The following RYR1 variants were observed in gnomAD, a reference collection of about 807,000 sequenced individuals.
RYR1 encodes the protein ryanodine receptor 1.
RYR1 carries 342 observed loss-of-function variants against 583.5 expected under a neutral mutation model. That is an observed-to-expected ratio of 0.59 (90% CI 0.54 to 0.64). RYR1 has a LOEUF of 0.64. RYR1 is among the 30% of genes least tolerant of loss of function. The pLI is 0.00. For missense variants in RYR1, 6,032 were observed against 6,917.2 expected (o/e 0.87, Z 4.54); for synonymous variants, 2,791 against 2,822.5 (o/e 0.99, Z 0.35).
chr19:38,502,129 C>T (rs1026551603), intron 47 of RYR1, among the ~76,000 whole-genome samples: 2 of 152,148 alleles, frequency 1.3e-5, no homozygotes, highest in African/African-American at 4.8e-5. Context: ...TGCACTCCAG[C>T]CTGGGCGACA....
chr19:38,526,856 T>A lies in RYR1; in HGVS notation c.10627-137T>A, dbSNP rs1971488190. The stretch of plus-strand genomic sequence containing the variant: ...GACCCCGTCAACCTCTGCATCCTTT[T>A]GTTTCTCTCAGACCCCCACCCCCAC... On this transcript the variant is annotated intron_variant, in intron 71 of 105. Coordinates refer to ENST00000359596, the MANE Select transcript of RYR1 (RefSeq NM_000540.3). 3 of 843,754 alleles carry A rather than the reference T, an allele frequency of 3.6e-6. No homozygotes were observed. The South Asian group carries it at 4.3e-5, about 12-fold the overall frequency. 52.3% of individuals were successfully genotyped at this position (843,754 alleles called of 1,614,324 possible). A position where few individuals can be genotyped will look rare whatever the true frequency, so the allele number is the denominator to read the frequency against.
In RYR1 at chr19:38,485,989, G is replaced by C. The variant is rs35566549; in HGVS notation, c.5334G>C (p.Ser1778=). 6.2e-7 allele frequency: 1 copy of C among 1,613,306 alleles called. No homozygotes were observed. The highest frequency in any genetic ancestry group is 1.3e-5 in the African/African-American group (1 of 74,852). ...CGCTGAGGCCCCCGCATCATTTCTC[G>C]CCCCCCTGTTTCGTGGCCGCTCTGC... ...TTSLRPPHHF[S]PPCFVAALPA... is the part of the protein sequence containing the mutation. The change falls in exon 34 of 106, where the codon TCG becomes TCC. Residue 1778 remains serine (S), a synonymous_variant. Coordinates refer to ENST00000359596, the MANE Select transcript of RYR1 (RefSeq NM_000540.3).
intron 89 of RYR1, among the ~76,000 whole-genome samples, chr19:38,554,944 G>T (rs1972816645): frequency 2.0e-5 from 3 of 152,072 alleles, no homozygotes; most frequent in Non-Finnish European, 1.5e-5. Flanking sequence ...CATTTAAAAT[G>T]TACAGTTCAG....
chr19:38,458,441 A>G, intron 18 of RYR1, 149 bp downstream of exon 18: 1 of 768,494 alleles, frequency 1.3e-6, no homozygotes. Context: ...CAAGACCCTA[A>G]CCCCAGAGCT....
intron 89 of RYR1, among the ~76,000 whole-genome samples, 200 bp from the exon 90 acceptor site, chr19:38,560,913 C>T (rs1440214575): frequency 2.0e-5 from 3 of 151,274 alleles, no homozygotes; most frequent in African/African-American, 7.3e-5. Flanking sequence ...GTAGTCCCAG[C>T]TGCTCTGGAT....
intron 77 of RYR1, 35 bp from the exon 78 acceptor site, chr19:38,532,636 C>T: frequency 1.2e-6 from 2 of 1,613,946 alleles, no homozygotes; most frequent in Non-Finnish European, 1.7e-6. Context: ...GAGGGGTCTG[C>T]TTTGTTCATC....
intron 74 of RYR1, 71 bp downstream of exon 74, chr19:38,528,489 G>C (rs1971580743): frequency 3.8e-6 from 6 of 1,595,014 alleles, no homozygotes. Context: ...CTGGAGAATG[G>C]AGGGCCAACG....
chr19:38,456,306 C>T (rs1379409138), intron 16 of RYR1, among the ~76,000 whole-genome samples: 1 of 127,018 alleles, frequency 7.9e-6, no homozygotes. Context: ...TACAGAGTCT[C>T]GCTCTGTCAC....
rs111446464 is a variant in RYR1, at chr19:38,527,786, T to G, written c.10824+2T>G. 6.2e-7 allele frequency: 1 copy of G among 1,609,740 alleles called. No individual in the cohort carries two copies. Among genetic ancestry groups the G allele is most frequent in the Admixed American group, 1.7e-5 (1 of 59,688 alleles). On this transcript the variant is annotated splice_donor_variant, in intron 73 of 105. Coordinates refer to ENST00000359596, the MANE Select transcript of RYR1 (RefSeq NM_000540.3). LOFTEE classifies it high-confidence loss of function. ...GCCGTGCTCTACTACCTGGACCAGGTGGGTGGGGCCGGAGGGGTCTTTCTA... is the reference window on the plus strand; with the variant it reads ...GCCGTGCTCTACTACCTGGACCAGGGGGGTGGGGCCGGAGGGGTCTTTCTA...
intron 2 of RYR1, among the ~76,000 whole-genome samples, chr19:38,441,313 A>G (rs1206974380): frequency 6.8e-6 from 1 of 147,446 alleles, no homozygotes; most frequent in African/African-American, 2.5e-5. Flanking sequence ...GAGCACAAGG[A>G]GGAGGGGTTT....
At chr19:38,524,054 C>T (rs1971351739) in intron 70 of RYR1, 125 bp downstream of exon 70, 3 of 1,061,444 alleles carry the variant, frequency 2.8e-6, no homozygotes, top group South Asian at 2.7e-5. Context: ...CCCCTCCCAG[C>T]CCCCACCCAT....
Position 38,580,332 on chromosome 19 carries a change from C to T in RYR1, c.14512-38C>T, listed in dbSNP as rs748619124. 6 of 1,611,876 alleles carry T rather than the reference C, an allele frequency of 3.7e-6. No individual in the cohort carries two copies. In the Admixed American group the frequency reaches 1.0e-4, roughly 27 times the overall value. On this transcript the variant is annotated intron_variant, in intron 100 of 105. Transcript: ENST00000359596. ...ATGGGCAGGGTGGGGGGAGGGCAAGCCCAGGGCGGAGCTGACCTGGCCCCA... is the reference window on the plus strand; with the variant it reads ...ATGGGCAGGGTGGGGGGAGGGCAAGTCCAGGGCGGAGCTGACCTGGCCCCA...
At chr19:38,447,380 A>G (rs538859865) in intron 9 of RYR1, among the ~76,000 whole-genome samples, 1 of 150,872 alleles carries the variant, frequency 6.6e-6, no homozygotes, top group Admixed American at 6.6e-5. Flanking sequence ...GTCTCTACTA[A>G]AGATACAAAA....
chr19:38,570,776 G>T (rs1973679296), intron 94 of RYR1, 83 bp downstream of exon 94: 11 of 1,188,542 alleles, frequency 9.3e-6, no homozygotes, highest in East Asian at 7.1e-5. Flanking sequence ...GAATTTCAGG[G>T]TTCCTCCACT....
intron 87 of RYR1, among the ~76,000 whole-genome samples, chr19:38,544,585 A>G (rs1972345034): frequency 6.6e-6 from 1 of 152,214 alleles, no homozygotes; most frequent in Non-Finnish European, 1.5e-5. Context: ...CCAGCATGTT[A>G]TAACTTCCCT....
chr19:38,565,945 C>T lies in RYR1; in HGVS notation c.13437+174C>T, dbSNP rs1247556943. Among the ~76,000 whole-genome samples, 1 of 151,806 alleles carries T rather than the reference C, an allele frequency of 6.6e-6. No homozygotes were observed. Among genetic ancestry groups the T allele is most frequent in the Non-Finnish European group, 1.5e-5 (1 of 67,966 alleles). ...GCACACGGGGACAGCGGGCGCCGGG[C>T]AAGAGAGACGCTCAGAGACAGAGGG... On this transcript the variant is annotated intron_variant, in intron 91 of 105. Transcript: ENST00000359596. This position sits in a 1 kb window ranked among gnomAD's most constrained non-coding sequence, Gnocchi z 4.7.
intron 12 of RYR1, among the ~76,000 whole-genome samples, 160 bp downstream of exon 12, chr19:38,452,045 T>A (rs1967101772): frequency 6.9e-6 from 1 of 145,146 alleles, no homozygotes; most frequent in African/African-American, 2.6e-5. Flanking sequence ...TCCCAAGACT[T>A]TGGGAGGGCA....
At chr19:38,477,331 CAG>C (rs1968784572) in intron 29 of RYR1, among the ~76,000 whole-genome samples, 1 of 152,004 alleles carries the variant, frequency 6.6e-6, no homozygotes, top group Non-Finnish European at 1.5e-5. Flanking sequence ...TTAGTAGAGA[CAG>C]AGTTTCACCA....
intron 72 of RYR1, 151 bp downstream of exon 72, chr19:38,527,203 T>C (rs1023241052): frequency 5.9e-6 from 5 of 846,290 alleles, no homozygotes; most frequent in African/African-American, 5.1e-5. Context: ...GGCGAAACCA[T>C]GTTTCTACTA....
Sources: gnomAD v4.1 joint callset for allele counts (sites outside exome capture counted in the v4.1 genomes callset) on GRCh38, gnomAD v4.1.1 for gene constraint, Gnocchi (gnomAD v3.1) non-coding constraint, MANE v1.5 for transcripts, NCBI Gene and HGNC (gene_info 2026-07-23, HGNC 2026-07-21) for gene names.